The following ZC3H12C variants were observed in gnomAD, a reference collection of about 807,000 sequenced individuals.
The protein encoded by ZC3H12C is probable ribonuclease ZC3H12C.
In ZC3H12C, 20 loss-of-function variants were observed where a neutral mutation model predicts 76.3. That is an observed-to-expected ratio of 0.26 (90% confidence interval 0.18 to 0.38). The LOEUF is 0.38. Among genes scored for constraint, ZC3H12C ranks in the 10% least tolerant of loss-of-function variants. The probability of loss-of-function intolerance (pLI) is 1.00; values close to 1 mark genes in which losing one functional copy is unlikely to be tolerated. For synonymous variants in ZC3H12C, 352 were observed against 399.6 expected (o/e 0.88, Z 1.42); for missense variants, 874 against 1,086.5 (o/e 0.80, Z 2.75).
chr11:110,136,938 G>T lies in ZC3H12C; in HGVS notation c.297G>T (p.Glu99Asp). 1 of 1,613,718 alleles carries T rather than the reference G, an allele frequency of 6.2e-7. No homozygotes were observed. Among genetic ancestry groups the T allele is most frequent in the Non-Finnish European group, 8.5e-7 (1 of 1,179,814 alleles). Residue 99 changes from glutamate (E) to aspartate (D), a missense_variant, in exon 2 of 6, where the codon GAG (glutamate) becomes GAT (aspartate). By Grantham distance (45) the Glu-to-Asp change is conservative. Transcript: ENST00000278590. The part of the protein sequence containing the change: ...DSEENTNSDH[E>D]SEQLGSISVE... ...AAGAAAACACAAATTCTGATCATGA[G>T]TCAGAACAATTGGGTAGCATTTCAG...
chr11:110,164,246 C>A lies in ZC3H12C; in HGVS notation c.1256-95C>A. On this transcript the variant is annotated intron_variant, in intron 5 of 5. Coordinates refer to ENST00000278590, the MANE Select transcript of ZC3H12C (RefSeq NM_033390.2). This position sits in a 1 kb window ranked among gnomAD's most constrained non-coding sequence, Gnocchi z 5.7. ...CACTTAGCACAGCTCCCATTTCTAT[C>A]GTTGTCTCTTCTACAAGTTAAAATC... is the stretch of plus-strand genomic sequence containing the variant. 1 of 1,120,276 alleles carries A rather than the reference C, an allele frequency of 8.9e-7. No homozygotes were observed. Among genetic ancestry groups the A allele is most frequent in the Non-Finnish European group, 1.2e-6 (1 of 808,160 alleles). 69.4% of individuals were successfully genotyped at this position (1,120,276 alleles called of 1,614,324 possible).
At chr11:110,118,804 A>G (rs1457300173) in intron 1 of ZC3H12C, among the ~76,000 whole-genome samples, 1 of 152,200 alleles carries the variant, frequency 6.6e-6, no homozygotes, top group East Asian at 1.9e-4. Context: ...CTCAAAAAAA[A>G]TTAAAATAAA....
In ZC3H12C at chr11:110,130,817, C is replaced by CG. The variant is rs1172935067; in HGVS notation, c.22-5842dup. ...ACCCCTCGTTAATACACATGCTGCC[C>CG]GGGGCAGACCCTGCGAATGACATCA... On this transcript the variant is annotated intron_variant, in intron 1 of 5. Transcript: ENST00000278590. Among the ~76,000 whole-genome samples the CG allele has an allele frequency of 3.7e-4, 56 of 152,148 alleles. 2 individuals are homozygous for CG. Among genetic ancestry groups the CG allele is most frequent in the Admixed American group, 3.7e-3 (56 of 15,268 alleles).
At chr11:110,107,314 A>G (rs1424919196) in intron 1 of ZC3H12C, among the ~76,000 whole-genome samples, 8 of 152,170 alleles carry the variant, frequency 5.3e-5, no homozygotes, top group Non-Finnish European at 1.2e-4. Context: ...TTTATGTCAT[A>G]TCTATAAAAT....
Position 110,165,225 on chromosome 11 carries a change from G to T in ZC3H12C, c.2140G>T (p.Ala714Ser). Residue 714 changes from alanine (A) to serine (S), a missense_variant, in exon 6 of 6, where the codon GCT (alanine) becomes TCT (serine). Physicochemically the swap from Ala to Ser is moderately conservative, Grantham distance 99. Coordinates refer to ENST00000278590, the MANE Select transcript of ZC3H12C (RefSeq NM_033390.2). ...PHLALHLPHS[A>S]VGARSSCPGD... ...CCTGGCTCTGCACCTGCCGCACTCC[G>T]CTGTGGGCGCCCGGTCCAGCTGTCC... 1.2e-6 allele frequency: 2 copies of T among 1,613,920 alleles called. No homozygotes were observed. Among genetic ancestry groups the T allele is most frequent in the South Asian group, 1.1e-5 (1 of 91,076 alleles).
At position 110,165,139 on chromosome 11, in the gene ZC3H12C, C is replaced by A; in HGVS notation, c.2054C>A (p.Thr685Asn). 6.2e-7 allele frequency: 1 copy of A among 1,613,876 alleles called. No individual in the cohort carries two copies. Among genetic ancestry groups the A allele is most frequent in the Non-Finnish European group, 8.5e-7 (1 of 1,179,892 alleles). Residue 685 changes from threonine to asparagine, a missense_variant, in exon 6 of 6, where the codon ACC becomes AAC. By Grantham distance (65) the Thr-to-Asn change is moderately conservative. Transcript: ENST00000278590. ...CTGCAGAATTTCCACGACCCCTTAA[C>A]CAGAGGGCAAAGTTACAGTCACGAA... ...PFLQNFHDPL[T>N]RGQSYSHEEP... is the part of the protein sequence containing the mutation.
chr11:110,157,543 C>T (rs1180076542), intron 3 of ZC3H12C, among the ~76,000 whole-genome samples: 1 of 149,958 alleles, frequency 6.7e-6, no homozygotes, highest in Non-Finnish European at 1.5e-5. Flanking sequence ...TCAAGCAATT[C>T]TCCTGCCTCA....
chr11:110,108,720 A>G lies in ZC3H12C; in HGVS notation c.21+15288A>G, dbSNP rs189957288. ...TCCGATCCTGACTTCTCTCTTGTAC[A>G]CTGCTGTCTTGTGGACAGCTCCACT... On this transcript the variant is annotated intron_variant, in intron 1 of 5. Coordinates refer to ENST00000278590, the MANE Select transcript of ZC3H12C (RefSeq NM_033390.2). Among the ~76,000 whole-genome samples the G allele has an allele frequency of 3.9e-3, 595 of 152,322 alleles. 2 individuals carry two copies. Among genetic ancestry groups the G allele is most frequent in the Non-Finnish European group, 5.9e-3 (402 of 68,024 alleles).
In ZC3H12C at chr11:110,136,902, T is replaced by C. The variant is rs1338861795; in HGVS notation, c.261T>C (p.Ser87=). The change falls in exon 2 of 6, where the codon TCT becomes TCC. Residue 87 remains serine, a synonymous_variant. Coordinates refer to ENST00000278590, the MANE Select transcript of ZC3H12C (RefSeq NM_033390.2). ...EKEASEENAS[S]GDSEENTNSD... ...AGGCGTCTGAAGAGAATGCAAGCTC[T>C]GGTGACTCTGAAGAAAACACAAATT... The C allele has an allele frequency of 6.2e-7, 1 of 1,613,696 alleles. No individual in the cohort carries two copies. The highest frequency in any genetic ancestry group is 1.3e-5 in the African/African-American group (1 of 74,938).
intron 2 of ZC3H12C, among the ~76,000 whole-genome samples, chr11:110,146,516 A>G (rs954705982): frequency 1.3e-5 from 2 of 152,100 alleles, no homozygotes; most frequent in African/African-American, 4.8e-5. Context: ...AAATCTCTGG[A>G]GGGGGTAGTA....
In ZC3H12C at chr11:110,170,406, T is replaced by C. The variant is rs1238742412; in HGVS notation, c.*4669T>C. 6.6e-6 allele frequency: 1 copy of C among 152,196 alleles called. No homozygotes were observed. The highest frequency in any genetic ancestry group is 2.4e-5 in the African/African-American group (1 of 41,460). The allele number at this position is 152,196 out of a possible 1,614,324, so 9.4% of individuals were successfully genotyped here. A position where few individuals can be genotyped will look rare whatever the true frequency, so the allele number is the denominator to read the frequency against. On this transcript the variant is annotated 3_prime_UTR_variant, in exon 6 of 6. Coordinates refer to ENST00000278590, the MANE Select transcript of ZC3H12C (RefSeq NM_033390.2). Reference sequence around the variant, plus strand: ...TTACATTTTTCCATTGGTTTTGGCTTCTAATAAATAACATATCTGCCATTC... The same window carrying C: ...TTACATTTTTCCATTGGTTTTGGCTCCTAATAAATAACATATCTGCCATTC...
intron 1 of ZC3H12C, among the ~76,000 whole-genome samples, chr11:110,107,219 T>C (rs1053080620): frequency 6.6e-6 from 1 of 152,216 alleles, no homozygotes; most frequent in Non-Finnish European, 1.5e-5. Context: ...TCAGTTTAAA[T>C]CCAGGAAGGC....
At chr11:110,095,659 A>G (rs538162416) in intron 1 of ZC3H12C, among the ~76,000 whole-genome samples, 10 of 152,314 alleles carry the variant, frequency 6.6e-5, no homozygotes, top group African/African-American at 2.2e-4. Flanking sequence ...ACATAATGCT[A>G]TGTGGAAAGT....
intron 1 of ZC3H12C, among the ~76,000 whole-genome samples, chr11:110,100,652 T>C (rs1338523462): frequency 1.3e-5 from 2 of 152,200 alleles, no homozygotes. Context: ...ATCTGTGATG[T>C]CACTACTGTA....
intron 3 of ZC3H12C, among the ~76,000 whole-genome samples, chr11:110,157,273 T>C (rs751732725): frequency 5.3e-5 from 8 of 152,002 alleles, no homozygotes; most frequent in Non-Finnish European, 1.2e-4. Flanking sequence ...CCAGGCACTG[T>C]GCTAGCTGCT....
chr11:110,127,123 C>G (rs1227014339), intron 1 of ZC3H12C, among the ~76,000 whole-genome samples: 1 of 152,200 alleles, frequency 6.6e-6, no homozygotes, highest in African/African-American at 2.4e-5. Context: ...AGGAGAATGT[C>G]TAACGCTTTC....
Position 110,171,740 on chromosome 11 carries a change from C to G in ZC3H12C, c.*6003C>G, listed in dbSNP as rs763074324. On this transcript the variant is annotated 3_prime_UTR_variant, in exon 6 of 6. Transcript: ENST00000278590. ...TGCATTCAGTGGCTAACATTATGAGCATTGTGTAAGATAAACACATGGTCA... is the reference window on the plus strand; with the variant it reads ...TGCATTCAGTGGCTAACATTATGAGGATTGTGTAAGATAAACACATGGTCA... 5 of 152,140 alleles carry G rather than the reference C, an allele frequency of 3.3e-5. No homozygotes were observed. The highest frequency in any genetic ancestry group is 5.9e-5 in the Non-Finnish European group (4 of 68,030). The allele number at this position is 152,140 out of a possible 1,614,324, so 9.4% of individuals were successfully genotyped here. A position where few individuals can be genotyped will look rare whatever the true frequency, so the allele number is the denominator to read the frequency against.
intron 2 of ZC3H12C, among the ~76,000 whole-genome samples, chr11:110,142,892 G>C (rs564575831): frequency 1.3e-5 from 2 of 152,246 alleles, no homozygotes. Context: ...GTCCTGCCAT[G>C]CCATGGAATT....
At chr11:110,129,392 ATCT>A (rs1460033960) in intron 1 of ZC3H12C, among the ~76,000 whole-genome samples, 3 of 152,148 alleles carry the variant, frequency 2.0e-5, no homozygotes, top group Non-Finnish European at 1.5e-5. Flanking sequence ...AACCATGTAG[ATCT>A]TCTTATTTTG....
Sources: gnomAD v4.1 joint callset for allele counts (sites outside exome capture counted in the v4.1 genomes callset) on GRCh38, gnomAD v4.1.1 for gene constraint, Gnocchi (gnomAD v3.1) non-coding constraint, MANE v1.5 for transcripts, NCBI Gene and HGNC (gene_info 2026-07-23, HGNC 2026-07-21) for gene names.